The following IFT80 variants were observed in gnomAD, a reference collection of about 807,000 sequenced individuals.
The protein encoded by IFT80 is intraflagellar transport 80, also known as intraflagellar transport protein 80 homolog.
Under a neutral mutation model 107.9 loss-of-function variants are expected in IFT80, and 79 were observed. The observed-to-expected ratio is 0.73, with a 90% confidence interval of 0.61 to 0.88. The LOEUF (loss-of-function observed/expected upper bound fraction) is 0.88. Ranked by LOEUF, IFT80 falls within the 40% of genes least tolerant of loss-of-function variation. IFT80 has a pLI of 0.00. For missense variants in IFT80, 797 were observed against 914.2 expected (o/e 0.87, Z 1.65); for synonymous variants, 299 against 300.9 (o/e 0.99, Z 0.07).
intron 9 of IFT80, among the ~76,000 whole-genome samples, chr3:160,317,359 A>G (rs746767616): frequency 2.6e-5 from 4 of 152,122 alleles, no homozygotes; most frequent in Non-Finnish European, 4.4e-5. Context: ...AAACACAAAG[A>G]CAATTTAGAT....
intron 5 of IFT80, among the ~76,000 whole-genome samples, chr3:160,375,020 A>C (rs978713727): frequency 1.3e-5 from 2 of 152,176 alleles, no homozygotes; most frequent in Non-Finnish European, 2.9e-5. Flanking sequence ...CTAAAAGTAA[A>C]CATGGTTTTA....
intron 18 of IFT80, among the ~76,000 whole-genome samples, chr3:160,275,447 TTA>T (rs1255327026): frequency 6.6e-6 from 1 of 152,242 alleles, no homozygotes; most frequent in African/African-American, 2.4e-5. Flanking sequence ...TTGCAGATAT[TTA>T]TGTTATCTTT....
In IFT80 at chr3:160,269,236, A is replaced by AT. The variant is rs560871119; in HGVS notation, c.2100-701_2100-700insA. Among the ~76,000 whole-genome samples, 76 of 152,168 alleles carry AT rather than the reference A, an allele frequency of 5.0e-4. 1 individual carries two copies. In the East Asian group the frequency reaches 0.013, roughly 27 times the overall value. On this transcript the variant is annotated intron_variant, in intron 18 of 19. Transcript: ENST00000326448. ...AGAGCGAGACTCAAAAAAAAAAAAA[A>AT]AAAGAAAATATTTTTGAAATCATCC...
chr3:160,326,168 A>G (rs1465991366), intron 8 of IFT80, among the ~76,000 whole-genome samples: 1 of 152,110 alleles, frequency 6.6e-6, no homozygotes, highest in Non-Finnish European at 1.5e-5. Context: ...ATAAATTAAA[A>G]TTATTTCTCT....
At chr3:160,325,276 A>G (rs970992676) in intron 8 of IFT80, among the ~76,000 whole-genome samples, 3 of 152,186 alleles carry the variant, frequency 2.0e-5, no homozygotes, top group Non-Finnish European at 2.9e-5. Context: ...ATTGGAAAAA[A>G]CTACTTTAAA....
intron 8 of IFT80, among the ~76,000 whole-genome samples, chr3:160,330,036 AC>A (rs1039946340): frequency 9.2e-5 from 14 of 152,134 alleles, no homozygotes; most frequent in African/African-American, 2.9e-4. Flanking sequence ...AAATTCATGG[AC>A]CCTACCCCAA....
At chr3:160,294,468 A>G (rs1021995177) in intron 12 of IFT80, among the ~76,000 whole-genome samples, 5 of 152,216 alleles carry the variant, frequency 3.3e-5, no homozygotes, top group African/African-American at 4.8e-5. Flanking sequence ...TGATCCACCC[A>G]TCTTGGCCTC....
At chr3:160,273,222 A>G (rs7616244) in intron 18 of IFT80, among the ~76,000 whole-genome samples, 2,211 of 152,354 alleles carry the variant, frequency 0.015, 52 homozygotes, top group African/African-American at 0.046. Context: ...GAATATTTGC[A>G]GTCCTTTCTT....
At chr3:160,266,014 G>T (rs917025576) in intron 19 of IFT80, among the ~76,000 whole-genome samples, 1 of 152,014 alleles carries the variant, frequency 6.6e-6, no homozygotes, top group Non-Finnish European at 1.5e-5. Flanking sequence ...TATTTCATTG[G>T]TGGGAAATTT....
intron 5 of IFT80, among the ~76,000 whole-genome samples, chr3:160,366,576 T>C (rs1322933327): frequency 6.6e-6 from 1 of 152,134 alleles, no homozygotes; most frequent in African/African-American, 2.4e-5. Flanking sequence ...TTTTTACATT[T>C]ATTTGCAACT....
At chr3:160,354,466 A>G (rs1359927116) in intron 8 of IFT80, among the ~76,000 whole-genome samples, 1 of 151,874 alleles carries the variant, frequency 6.6e-6, no homozygotes, top group Non-Finnish European at 1.5e-5. Context: ...TGGCTAACAC[A>G]GTGAAACCCC....
chr3:160,348,472 T>A (rs2108347953), intron 8 of IFT80, among the ~76,000 whole-genome samples: 1 of 152,332 alleles, frequency 6.6e-6, no homozygotes, highest in African/African-American at 2.4e-5. Context: ...AACAAGTATT[T>A]GAACACTGGA....
At chr3:160,273,356 A>G (rs1380383904) in intron 18 of IFT80, among the ~76,000 whole-genome samples, 7 of 152,118 alleles carry the variant, frequency 4.6e-5, no homozygotes, top group Non-Finnish European at 7.4e-5. Context: ...AAAGATCACT[A>G]TGACTGCAGA....
At chr3:160,377,284 ATT>A in intron 4 of IFT80, 144 bp downstream of exon 4, 1 of 589,878 alleles carries the variant, frequency 1.7e-6, no homozygotes, top group East Asian at 2.9e-5. Context: ...GAATTGTAAC[ATT>A]TATATAGCAG....
intron 8 of IFT80, chr3:160,343,150 C>CA (rs1291437661): frequency 6.6e-6 from 1 of 152,130 alleles, no homozygotes. Context: ...AAAATAGATG[C>CA]AAAGTTTCTT....
At chr3:160,348,645 T>G (rs1390854031) in intron 8 of IFT80, among the ~76,000 whole-genome samples, 1 of 152,218 alleles carries the variant, frequency 6.6e-6, no homozygotes, top group African/African-American at 2.4e-5. Flanking sequence ...TGTTCACACA[T>G]TCATAGCAGC....
At position 160,303,975 on chromosome 3, in the gene IFT80, T is replaced by C. The variant is rs1200222599; in HGVS notation, c.1091A>G (p.Asn364Ser). The part of the protein sequence containing the change: ...QCYVFSTKNW[N>S]TPIIFDLKEG... ...TTTGAGATCAAATATAATTGGTGTG[T>C]TCCAGTTCTTCGTGCTAAAAGACAA... The change falls in exon 11 of 20, where the codon AAC becomes AGC. Residue 364 changes from asparagine to serine, a missense_variant. Asn to Ser is a conservative substitution (Grantham distance 46). Coordinates refer to ENST00000326448, the MANE Select transcript of IFT80 (RefSeq NM_020800.3). 6.2e-7 allele frequency: 1 copy of C among 1,609,688 alleles called. No individual in the cohort carries two copies. Among genetic ancestry groups the C allele is most frequent in the Non-Finnish European group, 8.5e-7 (1 of 1,176,262 alleles).
chr3:160,381,131 A>AGAGGCT (rs1178105765), intron 3 of IFT80, among the ~76,000 whole-genome samples: 1 of 150,918 alleles, frequency 6.6e-6, no homozygotes, highest in Non-Finnish European at 1.5e-5. Flanking sequence ...CAGCTACTCA[A>AGAGGCT]GAGGCTGAGG....
intron 1 of IFT80, among the ~76,000 whole-genome samples, chr3:160,395,871 T>G (rs1713735598): frequency 6.6e-6 from 1 of 152,224 alleles, no homozygotes; most frequent in African/African-American, 2.4e-5. Context: ...TTTCTGTCAC[T>G]TGTAATCAAC....
Sources: allele counts gnomAD v4.1 joint callset (sites outside exome capture counted in the v4.1 genomes callset), GRCh38; gene constraint gnomAD v4.1.1; transcripts MANE v1.5; gene names NCBI Gene and HGNC (gene_info 2026-07-23, HGNC 2026-07-21).